The following PARVG variants were observed in gnomAD, a reference collection of about 807,000 sequenced individuals.
The protein encoded by PARVG is gamma-parvin.
Under a neutral mutation model 44.4 loss-of-function variants are expected in PARVG, and 36 were observed. The observed-to-expected ratio is 0.81, with a 90% CI of 0.62 to 1.07. PARVG has a LOEUF of 1.07. Among genes scored for constraint, PARVG ranks in the 50% least tolerant of loss-of-function variants. The pLI is 0.00. For missense variants in PARVG, 407 were observed against 407.4 expected, an observed-to-expected ratio of 1.00 and a Z score of 0.01; for synonymous variants, 170 against 174.1, an observed-to-expected ratio of 0.98 and a Z score of 0.19.
Position 44,198,602 on chromosome 22 carries a change from C to T in PARVG, c.712-19C>T. ...CCAGGCTTCTTCCATGTGATTGTCT[C>T]CAGTTCCTTCCTTTGTAGTTTGCAG... On this transcript the variant is annotated intron_variant, in intron 11 of 13. Coordinates refer to ENST00000444313, the MANE Select transcript of PARVG (RefSeq NM_022141.7). The T allele has an allele frequency of 6.3e-7, 1 of 1,585,066 alleles. No homozygotes were observed. Among genetic ancestry groups the T allele is most frequent in the Non-Finnish European group, 8.7e-7 (1 of 1,153,658 alleles).
chr22:44,204,315 A>G (rs1412482526), intron 12 of PARVG, among the ~76,000 whole-genome samples: 1 of 152,140 alleles, frequency 6.6e-6, no homozygotes, highest in Admixed American at 6.5e-5. Context: ...CCTCACCTTC[A>G]AATCTTGCTT....
At chr22:44,174,439 G>A (rs1009114548) in intron 1 of PARVG, among the ~76,000 whole-genome samples, 3 of 152,106 alleles carry the variant, frequency 2.0e-5, no homozygotes, top group Admixed American at 1.3e-4. Context: ...GTGGGCTCTG[G>A]CTCATGCCTG....
intron 11 of PARVG, among the ~76,000 whole-genome samples, chr22:44,197,888 C>A (rs1008188775): frequency 1.3e-5 from 2 of 152,132 alleles, no homozygotes; most frequent in African/African-American, 4.8e-5. Context: ...TACATTCTAC[C>A]TGTTCTATCT....
chr22:44,175,312 G>A lies in PARVG; in HGVS notation c.-189+2121G>A, dbSNP rs112402932. Among the ~76,000 whole-genome samples the A allele has an allele frequency of 4.2e-3, 644 of 152,290 alleles. 5 individuals are homozygous for A. Among genetic ancestry groups the A allele is most frequent in the African/African-American group, 0.014 (586 of 41,564 alleles). The stretch of plus-strand genomic sequence containing the variant: ...GTCTCTGGGGGAACTGACATTGCAC[G>A]GCCACTTGCCCTCAGATGTGACAGA... On this transcript the variant is annotated intron_variant, in intron 1 of 13. Coordinates refer to the PARVG transcript ENST00000422871.
At chr22:44,193,106 C>A (rs928266161) in intron 8 of PARVG, among the ~76,000 whole-genome samples, 2 of 152,176 alleles carry the variant, frequency 1.3e-5, no homozygotes, top group Non-Finnish European at 2.9e-5. Context: ...GGCTGCTGGG[C>A]TCTGCCCCGT....
intron 3 of PARVG, chr22:44,183,722 T>C: frequency 2.4e-6 from 1 of 418,230 alleles, no homozygotes; most frequent in Non-Finnish European, 4.2e-6. Context: ...TCATTTATTC[T>C]CAAGGGCGGG....
At chr22:44,179,776 G>T (rs1306526511), upstream of PARVG, among the ~76,000 whole-genome samples, 1 of 152,202 alleles carries the variant, frequency 6.6e-6, no homozygotes, top group Non-Finnish European at 1.5e-5. This position sits in a 1 kb window ranked among gnomAD's most constrained non-coding sequence, Gnocchi z 4.2. Context: ...AGTTGCCGAT[G>T]ATTAGAGTCT....
At chr22:44,202,638 C>T (rs1023554915) in intron 12 of PARVG, among the ~76,000 whole-genome samples, 1 of 152,252 alleles carries the variant, frequency 6.6e-6, no homozygotes, top group African/African-American at 2.4e-5. Flanking sequence ...TGGGCAATCT[C>T]TGCTGCAGGA....
At chr22:44,189,911 C>T (rs1436148071) in intron 6 of PARVG, among the ~76,000 whole-genome samples, 1 of 152,144 alleles carries the variant, frequency 6.6e-6, no homozygotes, top group Non-Finnish European at 1.5e-5. Flanking sequence ...GAGTGAGACT[C>T]CTTATCAAAG....
intron 6 of PARVG, among the ~76,000 whole-genome samples, chr22:44,189,941 G>A (rs1414452613): frequency 6.6e-6 from 1 of 152,044 alleles, no homozygotes; most frequent in Admixed American, 6.6e-5. Flanking sequence ...AACCAAGAGA[G>A]CGTGCCAAAC....
At chr22:44,198,961 T>A (rs371241901) in intron 12 of PARVG, among the ~76,000 whole-genome samples, 1 of 73,650 alleles carries the variant, frequency 1.4e-5, no homozygotes. Flanking sequence ...CATCCATCCA[T>A]CCATCCATCC....
chr22:44,180,909 G>T, upstream of PARVG: 2 of 985,302 alleles, frequency 2.0e-6, no homozygotes, highest in Non-Finnish European at 2.4e-6. Context: ...ATTTCAGCCC[G>T]GATGGTGAAG....
At chr22:44,180,252 A>G (rs139124), upstream of PARVG, among the ~76,000 whole-genome samples, 107,560 of 152,098 alleles carry the variant, frequency 0.71, 38,817 homozygotes, top group African/African-American at 0.84. Flanking sequence ...TCCCTCCTTC[A>G]CCCTCTAGGT....
At chr22:44,186,470 G>C (rs920009407) in intron 4 of PARVG, 3 of 440,224 alleles carry the variant, frequency 6.8e-6, no homozygotes, top group Admixed American at 2.4e-5. Flanking sequence ...CTCCAGGGAG[G>C]CCTCCTGGCC....
At chr22:44,173,617 C>T (rs555537590) in intron 1 of PARVG, among the ~76,000 whole-genome samples, 10 of 152,116 alleles carry the variant, frequency 6.6e-5, no homozygotes, top group Non-Finnish European at 1.3e-4. Context: ...GGTTTGTGTC[C>T]AGGTTTGTCA....
intron 4 of PARVG, chr22:44,186,118 T>G (rs1169211550): frequency 2.8e-6 from 1 of 363,098 alleles, no homozygotes; most frequent in Non-Finnish European, 5.4e-6. Context: ...CCCATGGGAT[T>G]TGAGGGGAAT....
rs764375856 is a variant in PARVG at position 44,189,397 on chromosome 22, C to T, written c.388+143C>T. The T allele has an allele frequency of 3.1e-6, 4 of 1,290,810 alleles. No homozygotes were observed. In the Admixed American group the frequency reaches 7.0e-5, roughly 23 times the overall value. The allele number at this position is 1,290,810 out of a possible 1,614,324, so 80.0% of individuals were successfully genotyped here. On this transcript the variant is annotated intron_variant, in intron 6 of 13. Coordinates refer to ENST00000444313, the MANE Select transcript of PARVG (RefSeq NM_022141.7). The stretch of plus-strand genomic sequence containing the variant: ...CTGGGAGTCAGGAAGGAGGTAGAAG[C>T]CTCAGGCAGCCACAGTCAGGCATCT...
At chr22:44,178,720 G>A (rs912804291), upstream of PARVG, among the ~76,000 whole-genome samples, 4 of 152,108 alleles carry the variant, frequency 2.6e-5, no homozygotes, top group African/African-American at 9.7e-5. Context: ...AGATTACAGG[G>A]CTCTAAAGAG....
At chr22:44,196,077 T>C (rs979713202) in intron 9 of PARVG, 78 bp from the exon 10 acceptor site, 11 of 1,552,530 alleles carry the variant, frequency 7.1e-6, no homozygotes, top group African/African-American at 2.7e-5. Flanking sequence ...TAAGAAACTT[T>C]TGTGAAAAAA....
Sources: gnomAD v4.1 joint callset for allele counts (sites outside exome capture counted in the v4.1 genomes callset) on GRCh38, gnomAD v4.1.1 for gene constraint, Gnocchi (gnomAD v3.1) non-coding constraint, MANE v1.5 for transcripts, NCBI Gene and HGNC (gene_info 2026-07-23, HGNC 2026-07-21) for gene names.